The following PACRGL variants were observed in gnomAD, a reference collection of about 807,000 sequenced individuals.
The protein encoded by PACRGL is parkin coregulated like.
PACRGL carries 38 observed loss-of-function variants against 34.5 expected under a neutral mutation model. That is an observed-to-expected ratio of 1.10 (90% confidence interval 0.85 to 1.44). The LOEUF (loss-of-function observed/expected upper bound fraction) is 1.44, where lower values mean the gene tolerates loss of function less well. PACRGL is among the 40% of genes most tolerant of loss of function. The probability of loss-of-function intolerance (pLI) is 0.00; values close to 1 mark genes in which losing one functional copy is unlikely to be tolerated. For synonymous variants in PACRGL, 128 were observed against 100.1 expected, an observed-to-expected ratio of 1.28 and a Z score of -1.66; for missense variants, 305 against 281.4, an observed-to-expected ratio of 1.08 and a Z score of -0.60.
downstream of PACRGL, among the ~76,000 whole-genome samples, chr4:20,753,098 T>G (rs1753925975): frequency 1.3e-5 from 2 of 152,168 alleles, no homozygotes; most frequent in African/African-American, 4.8e-5. Context: ...ATGTTGAGAT[T>G]TTATAGTTGA....
Position 20,743,252 on chromosome 4 carries a change from A to C in PACRGL, c.*57-9313A>C, listed in dbSNP as rs1442698115. 2.3e-4 allele frequency among the ~76,000 whole-genome samples: 35 copies of C among 152,208 alleles called. 1 individual carries two copies. The highest frequency in any genetic ancestry group is 2.2e-3 in the Admixed American group (34 of 15,278). On this transcript the variant is annotated intron_variant, in intron 8 of 8. Coordinates refer to the PACRGL transcript ENST00000507634. ...TCAAGCTACCAATGACTTTCTTCACAAAATTGGAAAAAACTACTTTAAAGT... is the reference window on the plus strand; with the variant it reads ...TCAAGCTACCAATGACTTTCTTCACCAAATTGGAAAAAACTACTTTAAAGT...
chr4:20,729,969 A>G lies in PACRGL; in HGVS notation c.*2628A>G, dbSNP rs567500147. ...TTATATTAAAACAAAGCTTGTTTGC[A>G]TAATATGCTTCAGTGTCAAGCTGAG... On this transcript the variant is annotated 3_prime_UTR_variant, in exon 9 of 9. Coordinates refer to ENST00000503585, the MANE Select transcript of PACRGL (RefSeq NM_001258345.3). 1 of 1,254,612 alleles carries G rather than the reference A, an allele frequency of 8.0e-7. No individual in the cohort carries two copies. The highest frequency in any genetic ancestry group is 2.8e-5 in the Admixed American group (1 of 36,084). The allele number at this position is 1,254,612 out of a possible 1,614,324, so 77.7% of individuals were successfully genotyped here. A position where few individuals can be genotyped will look rare whatever the true frequency, so the allele number is the denominator to read the frequency against.
At chr4:20,759,703 TAAG>T in the PACRGL span, among the ~76,000 whole-genome samples, 1 of 152,106 alleles carries the variant, frequency 6.6e-6, no homozygotes, top group Non-Finnish European at 1.5e-5. Flanking sequence ...GTGCAGAATA[TAAG>T]GTTTGAGCAA....
chr4:20,741,217 G>A lies in PACRGL; in HGVS notation c.*57-11348G>A, dbSNP rs191888599. Reference sequence around the variant, plus strand: ...ACTTGAACTCAGCTCTGCAGCAAGCGGACCTAATAGACATCTACAGAACTC... The same window carrying A: ...ACTTGAACTCAGCTCTGCAGCAAGCAGACCTAATAGACATCTACAGAACTC... On this transcript the variant is annotated intron_variant, in intron 8 of 8. Transcript: ENST00000507634. Among the ~76,000 whole-genome samples the A allele has an allele frequency of 7.6e-4, 115 of 152,132 alleles. 2 individuals are homozygous for A. The East Asian group carries it at 0.014, about 18-fold the overall frequency.
the PACRGL span, among the ~76,000 whole-genome samples, chr4:20,765,932 G>A: frequency 6.6e-6 from 1 of 152,112 alleles, no homozygotes; most frequent in Non-Finnish European, 1.5e-5. Context: ...GATATGCAAT[G>A]AATACTATGC....
downstream of PACRGL, among the ~76,000 whole-genome samples, chr4:20,735,518 G>GTTTTT (rs754949562): frequency 6.1e-5 from 8 of 130,810 alleles, no homozygotes; most frequent in African/African-American, 1.2e-4. Context: ...TTCATTTAGT[G>GTTTTT]TTTTTTTTTT....
chr4:20,736,765 A>G (rs759539460), downstream of PACRGL, among the ~76,000 whole-genome samples: 1 of 152,222 alleles, frequency 6.6e-6, no homozygotes, highest in African/African-American at 2.4e-5. Flanking sequence ...AAGAATGGCC[A>G]CAGACCTTTT....
Position 20,729,797 on chromosome 4 carries a change from T to C in PACRGL, c.*2456T>C, listed in dbSNP as rs1386542249. On this transcript the variant is annotated 3_prime_UTR_variant, in exon 9 of 9. Coordinates refer to ENST00000503585, the MANE Select transcript of PACRGL (RefSeq NM_001258345.3). ...GTGAAAGCCTCAATAATCCCATGGCTAAGGAACCAATAAAACTATATGCCA... is the reference window on the plus strand; with the variant it reads ...GTGAAAGCCTCAATAATCCCATGGCCAAGGAACCAATAAAACTATATGCCA... The C allele has an allele frequency of 3.3e-6, 1 of 302,560 alleles. No individual in the cohort carries two copies. Among genetic ancestry groups the C allele is most frequent in the African/African-American group, 2.2e-5 (1 of 46,370 alleles). 18.7% of individuals were successfully genotyped at this position (302,560 alleles called of 1,614,324 possible). A position where few individuals can be genotyped will look rare whatever the true frequency, so the allele number is the denominator to read the frequency against.
In PACRGL at chr4:20,728,334, A is replaced by G. The variant is rs1746615570; in HGVS notation, c.*993A>G. 2.6e-5 allele frequency: 4 copies of G among 152,178 alleles called. No homozygotes were observed. The highest frequency in any genetic ancestry group is 4.8e-5 in the African/African-American group (2 of 41,458). The allele number at this position is 152,178 out of a possible 1,614,324, so 9.4% of individuals were successfully genotyped here. A position where few individuals can be genotyped will look rare whatever the true frequency, so the allele number is the denominator to read the frequency against. ...GTTCACTTAAAGATATTCAGCAATT[A>G]AAATGTTAAAACTTGTACATGCATT... On this transcript the variant is annotated 3_prime_UTR_variant, in exon 9 of 9. Transcript: ENST00000503585.
rs1289626805 is a variant in PACRGL, at chr4:20,704,573, T to C, written c.52+40T>C. On this transcript the variant is annotated intron_variant, in intron 2 of 8. Transcript: ENST00000503585. ...TTTTTAAGTGAAGAGGTCAAGTTTG[T>C]TCATGGCACTTTCTGTGCTACAGAT... The C allele has an allele frequency of 1.9e-6, 3 of 1,613,284 alleles. No homozygotes were observed. The African/African-American group carries it at 4.0e-5, about 22-fold the overall frequency.
chr4:20,704,392 T>C (rs1490544312), intron 1 of PACRGL, 74 bp from the exon 2 acceptor site: 2 of 1,399,668 alleles, frequency 1.4e-6, no homozygotes, highest in Non-Finnish European at 2.0e-6. Context: ...TCTGTTCTGG[T>C]TTTGTCTTTT....
At chr4:20,713,977 G>T (rs1364785392) in intron 7 of PACRGL, among the ~76,000 whole-genome samples, 2 of 152,162 alleles carry the variant, frequency 1.3e-5, no homozygotes, top group African/African-American at 4.8e-5. Flanking sequence ...ATATTCTGTT[G>T]ATTTGGGGTG....
At chr4:20,743,608 C>T (rs1305459000) in intron 8 of PACRGL, among the ~76,000 whole-genome samples, 1 of 152,100 alleles carries the variant, frequency 6.6e-6, no homozygotes, top group Non-Finnish European at 1.5e-5. Flanking sequence ...ACACTTTATA[C>T]AAAAATTAAT....
rs766751174 is a variant in PACRGL at position 20,704,553 on chromosome 4, A to C, written c.52+20A>C. ...CAACAGGTACAGAGCTTTTGTTTTT[A>C]AGTGAAGAGGTCAAGTTTGTTCATG... On this transcript the variant is annotated intron_variant, in intron 2 of 8. Coordinates refer to ENST00000503585, the MANE Select transcript of PACRGL (RefSeq NM_001258345.3). The C allele has an allele frequency of 6.2e-7, 1 of 1,613,752 alleles. No homozygotes were observed.
intron 8 of PACRGL, among the ~76,000 whole-genome samples, chr4:20,739,964 C>G (rs908839688): frequency 1.3e-5 from 2 of 152,014 alleles, no homozygotes; most frequent in Non-Finnish European, 2.9e-5. Flanking sequence ...CTTCAGTAGC[C>G]ATTTTGATCA....
At chr4:20,752,486 C>G (rs1351934176) in intron 8 of PACRGL, 1 of 152,204 alleles carries the variant, frequency 6.6e-6, no homozygotes, top group East Asian at 1.9e-4. Flanking sequence ...ACTTTTATTT[C>G]AACTACCTTA....
downstream of PACRGL, among the ~76,000 whole-genome samples, chr4:20,754,829 T>TC (rs150166094): frequency 8.8e-3 from 1,338 of 152,332 alleles, 14 homozygotes; most frequent in African/African-American, 0.031. Context: ...TGGAGCTCTA[T>TC]CCAAGTTTTA....
the PACRGL span, among the ~76,000 whole-genome samples, chr4:20,759,547 A>G: frequency 1.3e-5 from 2 of 152,172 alleles, no homozygotes; most frequent in African/African-American, 2.4e-5. Context: ...AATGATGGAC[A>G]TTGATCTTGG....
upstream of PACRGL, among the ~76,000 whole-genome samples, chr4:20,699,737 A>G (rs1731514521): frequency 6.6e-6 from 1 of 152,166 alleles, no homozygotes; most frequent in African/African-American, 2.4e-5. Context: ...GGACTTAACT[A>G]TGACAACCCA....
Sources: gnomAD v4.1 joint callset for allele counts (sites outside exome capture counted in the v4.1 genomes callset) on GRCh38, gnomAD v4.1.1 for gene constraint, MANE v1.5 for transcripts, NCBI Gene and HGNC (gene_info 2026-07-23, HGNC 2026-07-21) for gene names.